The following PLEKHM3 variants were observed in gnomAD, a reference collection of about 807,000 sequenced individuals.
PLEKHM3 encodes pleckstrin homology domain-containing family M member 3.
In PLEKHM3, 45 loss-of-function variants were observed where a neutral mutation model predicts 81.8. The observed-to-expected ratio is 0.55, with a 90% CI of 0.43 to 0.71. PLEKHM3 has a LOEUF of 0.71. Ranked by LOEUF, PLEKHM3 falls within the 30% of genes least tolerant of loss-of-function variation. PLEKHM3 has a pLI of 0.00. For missense variants in PLEKHM3, 788 were observed against 924.3 expected (o/e 0.85, Z 1.91); for synonymous variants, 352 against 356.4 (o/e 0.99, Z 0.14).
intron 7 of PLEKHM3, among the ~76,000 whole-genome samples, chr2:207,830,034 G>C (rs1404895799): frequency 6.6e-6 from 1 of 152,084 alleles, no homozygotes; most frequent in Non-Finnish European, 1.5e-5. Flanking sequence ...GGGTTGGAAG[G>C]GGGAGAAAGA....
intron 2 of PLEKHM3, among the ~76,000 whole-genome samples, chr2:207,986,307 GCAGTATAA>G (rs1429332526): frequency 2.0e-5 from 3 of 152,186 alleles, no homozygotes; most frequent in Non-Finnish European, 4.4e-5. Context: ...TCGTAAGACT[GCAGTATAA>G]CACTCTGTCC....
chr2:207,867,641 C>A (rs985632073), intron 6 of PLEKHM3, among the ~76,000 whole-genome samples: 1 of 152,102 alleles, frequency 6.6e-6, no homozygotes, highest in Non-Finnish European at 1.5e-5. Flanking sequence ...GACACACACA[C>A]ACACAAAATT....
intron 6 of PLEKHM3, among the ~76,000 whole-genome samples, chr2:207,904,509 C>T (rs570081272): frequency 2.8e-4 from 43 of 152,314 alleles, no homozygotes; most frequent in African/African-American, 9.9e-4. Context: ...ATGTGCAAGT[C>T]ATACCAGTGA....
chr2:207,865,098 T>C (rs900406967), intron 6 of PLEKHM3, among the ~76,000 whole-genome samples: 5 of 152,214 alleles, frequency 3.3e-5, no homozygotes, highest in Non-Finnish European at 7.3e-5. Flanking sequence ...GTTTCATTTC[T>C]TGTTGCATCA....
intron 5 of PLEKHM3, among the ~76,000 whole-genome samples, chr2:207,913,957 C>T (rs1688896556): frequency 6.6e-6 from 1 of 151,970 alleles, no homozygotes; most frequent in African/African-American, 2.4e-5. Context: ...ACTCCCCTGA[C>T]CGCGCGTGTG....
At chr2:207,902,975 G>C (rs1688489008) in intron 6 of PLEKHM3, among the ~76,000 whole-genome samples, 2 of 152,058 alleles carry the variant, frequency 1.3e-5, no homozygotes, top group Admixed American at 1.3e-4. Context: ...ATTCCAGAAA[G>C]GTAGTGTACA....
Position 207,865,801 on chromosome 2 carries a change from A to AAAAAAATATAT in PLEKHM3, c.1951-4540_1951-4539insATATATTTTTT. 1.6e-4 allele frequency among the ~76,000 whole-genome samples: 4 copies of AAAAAAATATAT among 25,298 alleles called. 1 individual carries two copies. The highest frequency in any genetic ancestry group is 2.3e-4 in the Non-Finnish European group (3 of 13,198). 16.6% of individuals were successfully genotyped at this position (25,298 alleles called of 152,430 possible). ...CGACTCAAAAAAAAAAAAAAAAAAA[A>AAAAAAATATAT]AGATATATATATATATATATATATA... On this transcript the variant is annotated intron_variant, in intron 6 of 7. Coordinates refer to ENST00000427836, the MANE Select transcript of PLEKHM3 (RefSeq NM_001080475.3).
chr2:207,963,279 G>C (rs1384874466), intron 3 of PLEKHM3, among the ~76,000 whole-genome samples: 1 of 152,228 alleles, frequency 6.6e-6, no homozygotes, highest in African/African-American at 2.4e-5. Flanking sequence ...TGGTGCATCT[G>C]AGGAACAGAA....
intron 6 of PLEKHM3, chr2:207,900,952 A>G (rs750289306): frequency 3.1e-5 from 10 of 323,092 alleles, no homozygotes; most frequent in Non-Finnish European, 5.1e-5. Flanking sequence ...ACAAAAACCC[A>G]ACAACAACAA....
chr2:208,016,175 CAG>C (rs1457252020), intron 1 of PLEKHM3, among the ~76,000 whole-genome samples: 1 of 152,060 alleles, frequency 6.6e-6, no homozygotes, highest in African/African-American at 2.4e-5. Context: ...GCCTGGGCGA[CAG>C]AGAGAGACTC....
chr2:207,986,171 G>T (rs981890949), intron 2 of PLEKHM3, among the ~76,000 whole-genome samples: 3 of 152,088 alleles, frequency 2.0e-5, no homozygotes, highest in African/African-American at 4.8e-5. Context: ...TGTTTTCAAA[G>T]AACTCAAAAG....
intron 1 of PLEKHM3, among the ~76,000 whole-genome samples, chr2:208,015,182 A>C (rs186473340): frequency 1.3e-5 from 2 of 152,320 alleles, no homozygotes; most frequent in African/African-American, 4.8e-5. Flanking sequence ...CTTTACAGAC[A>C]AGGAAACTGA....
Position 207,935,755 on chromosome 2 carries a change from A to G in PLEKHM3, c.1693-4636T>C, listed in dbSNP as rs145336461. On this transcript the variant is annotated intron_variant, in intron 4 of 7. Transcript: ENST00000427836. ...AGCATTGTTTATATTCACAATTCTT[A>G]TTTTTTAATAATGTTACCATACTCT... Among the ~76,000 whole-genome samples the G allele has an allele frequency of 5.2e-3, 795 of 152,242 alleles. 5 individuals are homozygous for G. Among genetic ancestry groups the G allele is most frequent in the African/African-American group, 0.018 (761 of 41,540 alleles).
At chr2:207,907,448 G>A (rs184126376) in intron 6 of PLEKHM3, among the ~76,000 whole-genome samples, 186 of 152,188 alleles carry the variant, frequency 1.2e-3, no homozygotes, top group African/African-American at 4.3e-3. Context: ...GGTGCAGCGA[G>A]CCAAGACCAT....
At chr2:207,883,531 GA>G (rs1251926178) in intron 6 of PLEKHM3, among the ~76,000 whole-genome samples, 1 of 152,214 alleles carries the variant, frequency 6.6e-6, no homozygotes, top group Non-Finnish European at 1.5e-5. Flanking sequence ...AGATAGCACT[GA>G]AAGTGTTTAA....
intron 6 of PLEKHM3, among the ~76,000 whole-genome samples, chr2:207,891,819 G>T (rs975097316): frequency 3.3e-5 from 5 of 152,186 alleles, no homozygotes; most frequent in African/African-American, 4.8e-5. Flanking sequence ...CTGCTCCTAG[G>T]ATTGGGGTCC....
chr2:207,855,005 C>G (rs2092430461), intron 7 of PLEKHM3, among the ~76,000 whole-genome samples: 2 of 152,188 alleles, frequency 1.3e-5, no homozygotes, highest in Non-Finnish European at 2.9e-5. Flanking sequence ...GGGCAGCACT[C>G]TGCCCCAGTC....
At chr2:207,982,142 G>A (rs1219738641) in intron 2 of PLEKHM3, among the ~76,000 whole-genome samples, 1 of 151,998 alleles carries the variant, frequency 6.6e-6, no homozygotes, top group Non-Finnish European at 1.5e-5. Flanking sequence ...TATGGAGATG[G>A]CTATGGCCAC....
intron 1 of PLEKHM3, among the ~76,000 whole-genome samples, chr2:208,024,017 C>A (rs1040520052): frequency 6.6e-6 from 1 of 151,936 alleles, no homozygotes; most frequent in African/African-American, 2.4e-5. Context: ...GTGGCTTGTG[C>A]CTATGGTTCC....
Sources: allele counts gnomAD v4.1 joint callset (sites outside exome capture counted in the v4.1 genomes callset), GRCh38; gene constraint gnomAD v4.1.1; transcripts MANE v1.5; gene names NCBI Gene and HGNC (gene_info 2026-07-23, HGNC 2026-07-21).